PDE4D: variants seen among roughly 807,000 people sequenced by gnomAD.
PDE4D encodes 3',5'-cyclic-AMP phosphodiesterase 4D.
PDE4D carries 24 observed loss-of-function variants against 87.4 expected under a neutral mutation model. The ratio of observed to expected loss-of-function variants is 0.27; its 90% CI spans 0.20 to 0.39. PDE4D has a LOEUF of 0.39. Ranked by LOEUF, PDE4D falls within the 10% of genes least tolerant of loss-of-function variation. PDE4D has a pLI of 1.00. For synonymous variants in PDE4D, 384 were observed against 383.2 expected, an observed-to-expected ratio of 1.00 and a Z score of -0.02; for missense variants, 714 against 1,041.0, an observed-to-expected ratio of 0.69 and a Z score of 4.32.
intron 1 of PDE4D, among the ~76,000 whole-genome samples, chr5:60,218,415 A>G (rs544482224): frequency 1.2e-3 from 177 of 152,162 alleles, no homozygotes; most frequent in African/African-American, 4.1e-3. Flanking sequence ...TCTTGGTTCA[A>G]GTGGTAGTTA....
chr5:59,533,038 G>T (rs1470627869), intron 1 of PDE4D, among the ~76,000 whole-genome samples: 1 of 152,122 alleles, frequency 6.6e-6, no homozygotes, highest in Non-Finnish European at 1.5e-5. Flanking sequence ...CAGAAGAAAG[G>T]CCCTAAGAGC....
chr5:59,279,300 C>T (rs2153546449), intron 1 of PDE4D, among the ~76,000 whole-genome samples: 1 of 152,198 alleles, frequency 6.6e-6, no homozygotes, highest in East Asian at 1.9e-4. Context: ...CTCTATTGTA[C>T]TCTAACGTTA....
chr5:59,995,248 C>T (rs1270375002), intron 2 of PDE4D, among the ~76,000 whole-genome samples: 3 of 151,994 alleles, frequency 2.0e-5, no homozygotes, highest in African/African-American at 4.8e-5. Flanking sequence ...CCTCAATTAA[C>T]TGTCTTTAAA....
intron 11 of PDE4D, among the ~76,000 whole-genome samples, chr5:58,978,889 A>G (rs1055949642): frequency 1.3e-5 from 2 of 152,226 alleles, no homozygotes; most frequent in African/African-American, 4.8e-5. Flanking sequence ...ATTTAAAACT[A>G]TATAGGTTCT....
intron 5 of PDE4D, among the ~76,000 whole-genome samples, chr5:59,058,154 T>A (rs1006699554): frequency 6.6e-6 from 1 of 152,218 alleles, no homozygotes; most frequent in Non-Finnish European, 1.5e-5. Flanking sequence ...TGAAAAAGCA[T>A]GAAACACTTC....
chr5:60,173,993 T>C (rs1197923125), intron 2 of PDE4D, among the ~76,000 whole-genome samples: 5 of 152,096 alleles, frequency 3.3e-5, no homozygotes, highest in African/African-American at 1.2e-4. Flanking sequence ...AGGCAGTAAA[T>C]ATAATAGAAA....
rs998653714 is a variant in PDE4D at position 59,840,662 on chromosome 5, C to T, written c.455+52506G>A. ...AATTGTCCTAAACAATTTGAGAGAC[C>T]GCCACACAGAAGAGGGTGTGGTGAG... is the stretch of plus-strand genomic sequence containing the variant. On this transcript the variant is annotated intron_variant, in intron 1 of 14. Coordinates refer to ENST00000340635, the MANE Select transcript of PDE4D (RefSeq NM_001104631.2). Among the ~76,000 whole-genome samples, 10 of 151,874 alleles carry T rather than the reference C, an allele frequency of 6.6e-5. No individual in the cohort carries two copies. In the East Asian group the frequency reaches 7.8e-4, roughly 12 times the overall value.
intron 11 of PDE4D, among the ~76,000 whole-genome samples, chr5:58,979,956 T>A (rs1241902673): frequency 6.6e-6 from 1 of 152,206 alleles, no homozygotes; most frequent in Non-Finnish European, 1.5e-5. Flanking sequence ...ACTTCAATTA[T>A]TTCAAACTTA....
chr5:60,390,729 A>G (rs1482477998), intron 1 of PDE4D, among the ~76,000 whole-genome samples: 1 of 151,982 alleles, frequency 6.6e-6, no homozygotes, highest in Non-Finnish European at 1.5e-5. Flanking sequence ...GCTACTATTA[A>G]AAAAATCAAC....
chr5:59,115,386 T>C (rs1182005426), intron 5 of PDE4D, among the ~76,000 whole-genome samples: 3 of 152,150 alleles, frequency 2.0e-5, no homozygotes, highest in Non-Finnish European at 4.4e-5. Flanking sequence ...AGATTTTCTT[T>C]TTCTGTTGTT....
chr5:59,148,451 T>C (rs1199041569), intron 5 of PDE4D, among the ~76,000 whole-genome samples: 1 of 152,208 alleles, frequency 6.6e-6, no homozygotes, highest in East Asian at 1.9e-4. Flanking sequence ...ATAAAAAACA[T>C]CTGTGCCTCA....
chr5:59,661,562 T>C (rs924316457), intron 1 of PDE4D, among the ~76,000 whole-genome samples: 13 of 152,230 alleles, frequency 8.5e-5, no homozygotes, highest in Admixed American at 3.3e-4. Context: ...AATTGAGTCA[T>C]ACTCCTGAGC....
intron 1 of PDE4D, among the ~76,000 whole-genome samples, chr5:59,585,866 C>A (rs1825033458): frequency 6.6e-6 from 1 of 152,190 alleles, no homozygotes; most frequent in African/African-American, 2.4e-5. Context: ...GAGGCACCAA[C>A]ACATTTTAGC....
intron 2 of PDE4D, among the ~76,000 whole-genome samples, chr5:60,006,072 T>G (rs2152841693): frequency 6.6e-6 from 1 of 152,106 alleles, no homozygotes; most frequent in South Asian, 2.1e-4. Flanking sequence ...AAAAGACTAT[T>G]TTTAGATACA....
At chr5:59,583,827 CT>C (rs2153700882) in intron 1 of PDE4D, among the ~76,000 whole-genome samples, 1 of 152,310 alleles carries the variant, frequency 6.6e-6, no homozygotes, top group South Asian at 2.1e-4. Flanking sequence ...TGTGTCTCAG[CT>C]TTTTCTCATT....
chr5:59,365,699 C>T (rs184004520), intron 1 of PDE4D, among the ~76,000 whole-genome samples: 17 of 152,170 alleles, frequency 1.1e-4, no homozygotes, highest in African/African-American at 2.4e-4. Flanking sequence ...ATAAGGGCTC[C>T]GTGGCTGGGG....
chr5:59,800,270 T>C (rs753875029), intron 1 of PDE4D, among the ~76,000 whole-genome samples: 1 of 152,092 alleles, frequency 6.6e-6, no homozygotes, highest in East Asian at 1.9e-4. Context: ...CACTACCATC[T>C]AGTGGCCAGT....
intron 1 of PDE4D, among the ~76,000 whole-genome samples, chr5:60,368,127 T>TA (rs1385677745): frequency 6.6e-6 from 1 of 152,216 alleles, no homozygotes; most frequent in African/African-American, 2.4e-5. Context: ...ATTATGCTCA[T>TA]AAACTTACCC....
At chr5:59,798,648 C>T (rs766238021) in intron 1 of PDE4D, among the ~76,000 whole-genome samples, 2 of 152,198 alleles carry the variant, frequency 1.3e-5, no homozygotes, top group African/African-American at 2.4e-5. Context: ...CACTGGGTAA[C>T]TGACTTTTTA....
Sources: gnomAD v4.1 joint callset for allele counts (sites outside exome capture counted in the v4.1 genomes callset) on GRCh38, gnomAD v4.1.1 for gene constraint, MANE v1.5 for transcripts, NCBI Gene and HGNC (gene_info 2026-07-23, HGNC 2026-07-21) for gene names.